The following CHST15 variants were observed in gnomAD, a reference collection of about 807,000 sequenced individuals.
CHST15 encodes B cell RAG associated protein (GALNAC4S-6ST).
CHST15 carries 30 observed loss-of-function variants against 53.6 expected under a neutral mutation model. The ratio of observed to expected loss-of-function variants is 0.56; its 90% CI spans 0.42 to 0.76. The LOEUF (loss-of-function observed/expected upper bound fraction) is 0.76. Among genes scored for constraint, CHST15 ranks in the 30% least tolerant of loss-of-function variants. CHST15 has a pLI of 0.00. For missense variants in CHST15, 627 were observed against 740.5 expected, an observed-to-expected ratio of 0.85 and a Z score of 1.78; for synonymous variants, 296 against 289.8, an observed-to-expected ratio of 1.02 and a Z score of -0.22.
At chr10:124,063,900 A>G (rs138665563) in intron 1 of CHST15, among the ~76,000 whole-genome samples, 2 of 152,358 alleles carry the variant, frequency 1.3e-5, no homozygotes, top group Non-Finnish European at 2.9e-5. Context: ...AATACAGCGT[A>G]TGAATCAGAC....
intron 1 of CHST15, among the ~76,000 whole-genome samples, chr10:124,053,949 G>A (rs1307463862): frequency 1.3e-5 from 2 of 151,922 alleles, no homozygotes; most frequent in Admixed American, 6.6e-5. Flanking sequence ...AAAGAAACTC[G>A]GAAGGGAGCT....
chr10:124,080,133 C>T (rs185974962), intron 1 of CHST15, among the ~76,000 whole-genome samples: 2 of 152,198 alleles, frequency 1.3e-5, no homozygotes, highest in East Asian at 1.9e-4. Flanking sequence ...CAGCGAGCAT[C>T]GGACAGGTGT....
At chr10:124,049,470 A>C (rs1948118110) in intron 1 of CHST15, among the ~76,000 whole-genome samples, 1 of 152,162 alleles carries the variant, frequency 6.6e-6, no homozygotes. Context: ...AAACCCCCCA[A>C]ACTCCGGGTA....
chr10:124,090,398 G>A (rs1053489529), intron 1 of CHST15, among the ~76,000 whole-genome samples: 9 of 152,182 alleles, frequency 5.9e-5, no homozygotes, highest in African/African-American at 1.9e-4. Flanking sequence ...TCCACTAGCA[G>A]GGGACCTTCC....
chr10:124,031,316 G>A (rs79084788), intron 5 of CHST15, among the ~76,000 whole-genome samples: 36 of 152,290 alleles, frequency 2.4e-4, no homozygotes, highest in East Asian at 5.8e-4. Flanking sequence ...ACAGCCAGGC[G>A]TCACTTAACA....
Position 124,044,581 on chromosome 10 carries a change from A to G in CHST15, c.885T>C (p.Phe295=), listed in dbSNP as rs751418821. 2.0e-5 allele frequency: 30 copies of G among 1,519,942 alleles called. No individual in the cohort carries two copies. Among genetic ancestry groups the G allele is most frequent in the Non-Finnish European group, 2.6e-6 (3 of 1,132,558 alleles). 94.2% of individuals were successfully genotyped at this position (1,519,942 alleles called of 1,614,324 possible). The change falls in exon 3 of 8, where the codon TTT becomes TTC. Residue 295 remains phenylalanine (F), a splice_region_variant and synonymous_variant. Coordinates refer to ENST00000435907, the MANE Select transcript of CHST15 (RefSeq NM_001270764.2). ...GGAGCCCTGGGACCCAGCACTCACCAAAGCGCTTCCGGGTCCACCAGTGTG... is the reference window on the plus strand; with the variant it reads ...GGAGCCCTGGGACCCAGCACTCACCGAAGCGCTTCCGGGTCCACCAGTGTG... ...KEPHWWTRKR[F]GIVRLRDGLR...
At chr10:124,078,318 G>A (rs1949136262) in intron 1 of CHST15, among the ~76,000 whole-genome samples, 2 of 152,208 alleles carry the variant, frequency 1.3e-5, no homozygotes, top group Non-Finnish European at 2.9e-5. Context: ...AATGTGGGCA[G>A]GGTGAACTCC....
chr10:124,044,209 G>A (rs1418107699), intron 3 of CHST15, among the ~76,000 whole-genome samples: 1 of 150,604 alleles, frequency 6.6e-6, no homozygotes, highest in African/African-American at 2.4e-5. Context: ...AGCTGGGAGC[G>A]GCACAGAGCA....
chr10:124,037,024 T>G (rs1590231940), intron 5 of CHST15, among the ~76,000 whole-genome samples: 1 of 152,124 alleles, frequency 6.6e-6, no homozygotes, highest in Non-Finnish European at 1.5e-5. Flanking sequence ...GGAGAATCTG[T>G]TCCACTCCTC....
Position 124,040,939 on chromosome 10 carries a change from G to A in CHST15, c.1033+1362C>T, listed in dbSNP as rs113298897. On this transcript the variant is annotated intron_variant, in intron 4 of 7. Coordinates refer to ENST00000435907, the MANE Select transcript of CHST15 (RefSeq NM_001270764.2). ...TTATCTTAGTCTCTGTTTCCTGGCC[G>A]GAGAATACATATTTTCATCTCTTTC... is the stretch of plus-strand genomic sequence containing the variant. Among the ~76,000 whole-genome samples the A allele has an allele frequency of 5.3e-3, 804 of 152,272 alleles. 3 individuals carry two copies. The highest frequency in any genetic ancestry group is 0.018 in the African/African-American group (762 of 41,540).
In CHST15 at chr10:124,009,954, C is replaced by T; in HGVS notation, c.*195G>A. The T allele has an allele frequency of 7.0e-7, 1 of 1,427,140 alleles. No individual in the cohort carries two copies. Among genetic ancestry groups the T allele is most frequent in the Non-Finnish European group, 9.1e-7 (1 of 1,093,742 alleles). The allele number at this position is 1,427,140 out of a possible 1,614,324, so 88.4% of individuals were successfully genotyped here. On this transcript the variant is annotated 3_prime_UTR_variant, in exon 8 of 8. Coordinates refer to ENST00000435907, the MANE Select transcript of CHST15 (RefSeq NM_001270764.2). ...TCCAATGGCCTCGGATAGAGGAGCT[C>T]TGTGAGGGGTCCATTGCTGAGCTCT...
At chr10:124,010,596 A>C (rs1946383535) in intron 7 of CHST15, 1 of 985,322 alleles carries the variant, frequency 1.0e-6, no homozygotes, top group Non-Finnish European at 1.2e-6. Flanking sequence ...CTGGCATTTA[A>C]TGATGATACA....
chr10:124,044,471 G>A, intron 3 of CHST15, 109 bp downstream of exon 3: 1 of 875,836 alleles, frequency 1.1e-6, no homozygotes, highest in Non-Finnish European at 1.6e-6. Context: ...AGGGAATTGT[G>A]CCATCTCTTT....
At chr10:124,070,961 C>A (rs1417237289) in intron 1 of CHST15, among the ~76,000 whole-genome samples, 1 of 152,196 alleles carries the variant, frequency 6.6e-6, no homozygotes, top group Non-Finnish European at 1.5e-5. Flanking sequence ...AACAGCGGGG[C>A]AAAGGCAGGA....
At chr10:124,045,126 A>AC (rs1564882088) in intron 2 of CHST15, among the ~76,000 whole-genome samples, 2,881 of 128,720 alleles carry the variant, frequency 0.022, 147 homozygotes, top group African/African-American at 0.083. Flanking sequence ...AAAAAAAAAA[A>AC]AAAAAAAAAA....
At position 124,044,789 on chromosome 10, in the gene CHST15, C is replaced by A. The variant is rs748902428; in HGVS notation, c.677G>T (p.Arg226Leu). 6.2e-7 allele frequency: 1 copy of A among 1,608,894 alleles called. No individual in the cohort carries two copies. The highest frequency in any genetic ancestry group is 1.3e-5 in the African/African-American group (1 of 74,868). ...NSYVLYSKRF[R>L]STFDALRKAF... is the part of the protein sequence containing the mutation. ...CTTGCGCAGGGCGTCGAAGGTGGAG[C>A]GGAAGCGCTTGGAGTAGAGCACGTA... The change falls in exon 3 of 8, where the codon CGC (arginine) becomes CTC (leucine). Residue 226 changes from arginine to leucine, a missense_variant. Physicochemically the swap from Arg to Leu is moderately radical, Grantham distance 102. Coordinates refer to ENST00000435907, the MANE Select transcript of CHST15 (RefSeq NM_001270764.2).
At chr10:124,045,224 C>A (rs1414882646) in intron 2 of CHST15, among the ~76,000 whole-genome samples, 1 of 150,822 alleles carries the variant, frequency 6.6e-6, no homozygotes, top group African/African-American at 2.4e-5. Flanking sequence ...ACAACACACA[C>A]GCACACACGG....
At chr10:124,016,553 T>G (rs1946591261) in intron 6 of CHST15, among the ~76,000 whole-genome samples, 1 of 152,090 alleles carries the variant, frequency 6.6e-6, no homozygotes, top group South Asian at 2.1e-4. Context: ...AACGCAAAAT[T>G]GAGCATAAAA....
In CHST15 at chr10:124,083,878, C is replaced by T. The variant is rs75465639; in HGVS notation, c.-513+9591G>A. On this transcript the variant is annotated intron_variant, in intron 1 of 7. Transcript: ENST00000435907. ...ACTGTGACGGATGATGAGAGAGGATCACGCCACCATGGGTCAGGCTGGAGA... is the reference window on the plus strand; with the variant it reads ...ACTGTGACGGATGATGAGAGAGGATTACGCCACCATGGGTCAGGCTGGAGA... 8.0e-3 allele frequency among the ~76,000 whole-genome samples: 1,221 copies of T among 152,288 alleles called. 14 individuals carry two copies. The highest frequency in any genetic ancestry group is 0.027 in the African/African-American group (1,136 of 41,548).
Sources: gnomAD v4.1 joint callset for allele counts (sites outside exome capture counted in the v4.1 genomes callset) on GRCh38, gnomAD v4.1.1 for gene constraint, MANE v1.5 for transcripts, NCBI Gene and HGNC (gene_info 2026-07-23, HGNC 2026-07-21) for gene names.